Variants in GPR39 observed in about 807,000 individuals in gnomAD.
GPR39 encodes G protein-coupled receptor 39, also known as zinc sensing receptor.
GPR39 carries 23 observed loss-of-function variants against 18.4 expected under a neutral mutation model. The ratio of observed to expected loss-of-function variants is 1.25; its 90% confidence interval spans 0.90 to 1.77. The LOEUF is 1.77. Among genes scored for constraint, GPR39 ranks in the 40% most tolerant of loss-of-function variants. The pLI, the probability that GPR39 is intolerant of heterozygous loss-of-function variation, is 0.00. For missense variants in GPR39, 647 were observed against 602.4 expected (o/e 1.07, Z -0.78); for synonymous variants, 280 against 257.9 (o/e 1.09, Z -0.82).
intron 1 of GPR39, among the ~76,000 whole-genome samples, chr2:132,427,748 T>G (rs2104756856): frequency 6.6e-6 from 1 of 150,418 alleles, no homozygotes; most frequent in Admixed American, 6.6e-5. Context: ...GTATAGTGAC[T>G]ATTCACAGAC....
At chr2:132,552,911 TATATATACACACACACACACAC>T (rs1680073619) in intron 1 of GPR39, among the ~76,000 whole-genome samples, 1 of 71,296 alleles carries the variant, frequency 1.4e-5, no homozygotes. Context: ...TACACACACA[TATATATACACACACACACACAC>T]ATATATATAT....
intron 1 of GPR39, among the ~76,000 whole-genome samples, chr2:132,577,220 C>T (rs530404646): frequency 4.0e-5 from 6 of 151,890 alleles, no homozygotes; most frequent in South Asian, 2.1e-4. Context: ...AACCAGGTGT[C>T]GTGGCACACA....
intron 1 of GPR39, among the ~76,000 whole-genome samples, chr2:132,611,161 C>A (rs1479204516): frequency 6.6e-6 from 1 of 152,232 alleles, no homozygotes; most frequent in East Asian, 1.9e-4. Context: ...CTTTTTAATT[C>A]TCTGGGGGAG....
intron 1 of GPR39, among the ~76,000 whole-genome samples, chr2:132,602,435 C>T (rs940474314): frequency 2.6e-5 from 4 of 152,050 alleles, no homozygotes; most frequent in African/African-American, 9.7e-5. Context: ...AACTATAAAA[C>T]TACTAGAAGA....
At chr2:132,455,011 G>T (rs977843015) in intron 1 of GPR39, among the ~76,000 whole-genome samples, 1 of 152,112 alleles carries the variant, frequency 6.6e-6, no homozygotes, top group Admixed American at 6.5e-5. Context: ...GAATTAGGGA[G>T]GATTCTCTCT....
intron 1 of GPR39, among the ~76,000 whole-genome samples, chr2:132,503,405 G>C (rs1439952118): frequency 6.6e-6 from 1 of 152,200 alleles, no homozygotes. Context: ...TGTCAGCAAA[G>C]AGTCCTGTGA....
intron 1 of GPR39, among the ~76,000 whole-genome samples, chr2:132,513,340 G>A (rs1171324184): frequency 1.3e-5 from 2 of 152,156 alleles, no homozygotes; most frequent in South Asian, 2.1e-4. Context: ...GCGGGCGCCT[G>A]TAGTCCCAGC....
intron 1 of GPR39, among the ~76,000 whole-genome samples, chr2:132,644,048 G>A (rs1474212734): frequency 3.9e-5 from 6 of 152,208 alleles, no homozygotes; most frequent in African/African-American, 7.2e-5. Flanking sequence ...GGCTCCTTAC[G>A]AAAAGAGAGA....
At chr2:132,449,440 T>A (rs796244599) in intron 1 of GPR39, among the ~76,000 whole-genome samples, 8 of 152,122 alleles carry the variant, frequency 5.3e-5, no homozygotes, top group African/African-American at 1.9e-4. Flanking sequence ...AGAGACAGGG[T>A]TTCACCGTGT....
At chr2:132,544,249 G>A (rs899263521) in intron 1 of GPR39, among the ~76,000 whole-genome samples, 1 of 152,196 alleles carries the variant, frequency 6.6e-6, no homozygotes. Context: ...CAGGTTGCTT[G>A]TTTGCTTTTC....
chr2:132,565,559 C>A lies in GPR39; in HGVS notation c.857-79542C>A, dbSNP rs1255128518. ...ATGCCATCCCTCCCCCCTCCCCCCA[C>A]CCCACCACAGTCCCCAGAGTGTGAT... On this transcript the variant is annotated intron_variant, in intron 1 of 1. Transcript: ENST00000329321. Among the ~76,000 whole-genome samples the A allele has an allele frequency of 8.6e-4, 100 of 116,744 alleles. 1 individual carries two copies. The highest frequency in any genetic ancestry group is 5.4e-3 in the Middle Eastern group (1 of 184). The allele number at this position is 116,744 out of a possible 152,430, so 76.6% of individuals were successfully genotyped here. A position where few individuals can be genotyped will look rare whatever the true frequency, so the allele number is the denominator to read the frequency against.
chr2:132,546,825 C>A (rs1439817623), intron 1 of GPR39, among the ~76,000 whole-genome samples: 2 of 89,828 alleles, frequency 2.2e-5, no homozygotes, highest in Admixed American at 1.7e-4. Flanking sequence ...CTCCAGGATG[C>A]AGTAGCTCCA....
In GPR39 at chr2:132,494,354, C is replaced by T. The variant is rs150855571; in HGVS notation, c.856+76456C>T. Among the ~76,000 whole-genome samples the T allele has an allele frequency of 2.7e-3, 416 of 152,292 alleles. 1 individual carries two copies. The highest frequency in any genetic ancestry group is 6.8e-3 in the Middle Eastern group (2 of 294). On this transcript the variant is annotated intron_variant, in intron 1 of 1. Transcript: ENST00000329321. ...TGAACGTGTTTATTGCCCATCTCTT[C>T]GCCAGTAAAATCCAGGGTCCATGAA...
At chr2:132,493,718 G>A (rs893109315) in intron 1 of GPR39, among the ~76,000 whole-genome samples, 1 of 151,562 alleles carries the variant, frequency 6.6e-6, no homozygotes, top group African/African-American at 2.4e-5. Context: ...TGAGTGGAAG[G>A]TGCCTGCAAC....
chr2:132,500,397 G>A (rs1174863064), intron 1 of GPR39, among the ~76,000 whole-genome samples: 1 of 152,116 alleles, frequency 6.6e-6, no homozygotes, highest in African/African-American at 2.4e-5. Context: ...ACTTATATAT[G>A]TTGAAACATT....
chr2:132,478,167 C>T (rs1482522650), intron 1 of GPR39, among the ~76,000 whole-genome samples: 2 of 152,186 alleles, frequency 1.3e-5, no homozygotes, highest in South Asian at 2.1e-4. Context: ...ACACTGACTG[C>T]GTTTCCACAG....
At chr2:132,625,501 T>C (rs2104864065) in intron 1 of GPR39, among the ~76,000 whole-genome samples, 1 of 152,312 alleles carries the variant, frequency 6.6e-6, no homozygotes, top group South Asian at 2.1e-4. Flanking sequence ...AAACTTGACT[T>C]CTCGGCACAT....
intron 1 of GPR39, among the ~76,000 whole-genome samples, chr2:132,554,362 C>G (rs1301543921): frequency 6.6e-6 from 1 of 152,224 alleles, no homozygotes; most frequent in Non-Finnish European, 1.5e-5. Flanking sequence ...ACATCATGGG[C>G]TCAGAGTCAA....
At position 132,515,489 on chromosome 2, in the gene GPR39, C is replaced by T. The variant is rs369417690; in HGVS notation, c.856+97591C>T. ...TGGTCCTCCCCAGACACCTGTCCCA[C>T]GTGTGATGTTTATCAGGTATCAGAA... On this transcript the variant is annotated intron_variant, in intron 1 of 1. Transcript: ENST00000329321. Among the ~76,000 whole-genome samples the T allele has an allele frequency of 7.2e-4, 110 of 152,252 alleles. No individual in the cohort carries two copies. The South Asian group carries it at 0.017, about 23-fold the overall frequency.
Sources: allele counts gnomAD v4.1 joint callset (sites outside exome capture counted in the v4.1 genomes callset), GRCh38; gene constraint gnomAD v4.1.1; transcripts MANE v1.5; gene names NCBI Gene and HGNC (gene_info 2026-07-23, HGNC 2026-07-21).